The following ATE1 variants were observed in gnomAD, a reference collection of about 807,000 sequenced individuals.
The protein encoded by ATE1 is arginyltransferase 1.
ATE1 carries 36 observed loss-of-function variants against 70.5 expected under a neutral mutation model. The observed-to-expected ratio is 0.51, with a 90% confidence interval of 0.39 to 0.67. The LOEUF (loss-of-function observed/expected upper bound fraction) is 0.67, where lower values mean the gene tolerates loss of function less well. Among genes scored for constraint, ATE1 ranks in the 30% least tolerant of loss-of-function variants. The pLI is 0.00. For missense variants in ATE1, 593 were observed against 629.5 expected, an observed-to-expected ratio of 0.94 and a Z score of 0.62; for synonymous variants, 232 against 219.3, an observed-to-expected ratio of 1.06 and a Z score of -0.51.
chr10:121,910,979 T>C lies in ATE1; in HGVS notation c.510A>G (p.Gln170=). The C allele has an allele frequency of 6.2e-7, 1 of 1,614,120 alleles. No homozygotes were observed. The highest frequency in any genetic ancestry group is 8.5e-7 in the Non-Finnish European group (1 of 1,180,024). ...KEEPQELLQS[Q]DFVGEKLGSG... The stretch of plus-strand genomic sequence containing the variant: ...AGCCCAACTTCTCTCCTACGAAATC[T>C]TGTGACTGAAGTAATTCCTGAGGTT... The change falls in exon 5 of 12, where the codon CAA becomes CAG. Residue 170 remains glutamine, a synonymous_variant. Transcript: ENST00000224652.
At chr10:121,746,358 T>C (rs1242665275) in intron 11 of ATE1, among the ~76,000 whole-genome samples, 3 of 152,206 alleles carry the variant, frequency 2.0e-5, no homozygotes, top group Non-Finnish European at 2.9e-5. Context: ...GCTGCATCAA[T>C]TCCTGGGAGT....
At chr10:121,749,725 A>G (rs1179047669) in intron 11 of ATE1, among the ~76,000 whole-genome samples, 4 of 152,164 alleles carry the variant, frequency 2.6e-5, no homozygotes, top group African/African-American at 9.6e-5. Flanking sequence ...TCAGCCCCCC[A>G]TGCAGAACCC....
Position 121,921,645 on chromosome 10 carries a change from T to C in ATE1, c.233+704A>G, listed in dbSNP as rs926728985. On this transcript the variant is annotated intron_variant, in intron 3 of 11. Transcript: ENST00000224652. ...TGCCTGGGCACCATAGTGAAGATTA[T>C]GGGATAAGCCCAGGCAAACCTAGAT... 2.6e-5 allele frequency among the ~76,000 whole-genome samples: 4 copies of C among 152,116 alleles called. No homozygotes were observed. The South Asian group carries it at 8.3e-4, about 32-fold the overall frequency.
chr10:121,806,566 G>A (rs150829973), intron 10 of ATE1, among the ~76,000 whole-genome samples: 1 of 152,142 alleles, frequency 6.6e-6, no homozygotes, highest in Non-Finnish European at 1.5e-5. Context: ...ATTTCAACAT[G>A]AACTATCTAT....
intron 11 of ATE1, among the ~76,000 whole-genome samples, chr10:121,777,326 A>C (rs1945789191): frequency 1.3e-5 from 2 of 152,246 alleles, no homozygotes; most frequent in Non-Finnish European, 2.9e-5. Context: ...GGAAGCTGTA[A>C]ATGAATAATC....
chr10:121,749,239 T>C (rs1048306850), intron 11 of ATE1, among the ~76,000 whole-genome samples: 1 of 152,206 alleles, frequency 6.6e-6, no homozygotes, highest in Non-Finnish European at 1.5e-5. Context: ...GGTAAGATTT[T>C]ATCTAATTCT....
chr10:121,757,968 G>A (rs562976013), intron 11 of ATE1, among the ~76,000 whole-genome samples: 13 of 152,266 alleles, frequency 8.5e-5, no homozygotes, highest in African/African-American at 2.6e-4. Context: ...GCCTACTGAA[G>A]TATTTTCATA....
intron 10 of ATE1, among the ~76,000 whole-genome samples, chr10:121,807,485 C>T (rs1167872227): frequency 2.6e-5 from 4 of 152,034 alleles, no homozygotes; most frequent in African/African-American, 9.7e-5. Flanking sequence ...CTAGAGACAC[C>T]AGGGCAACTT....
At chr10:121,887,269 C>T (rs1368056096) in intron 7 of ATE1, among the ~76,000 whole-genome samples, 4 of 152,164 alleles carry the variant, frequency 2.6e-5, no homozygotes, top group African/African-American at 9.7e-5. Flanking sequence ...GGACTCATCA[C>T]GACCTTTCCT....
chr10:121,826,945 C>T (rs1212758035), intron 10 of ATE1, among the ~76,000 whole-genome samples: 1 of 152,096 alleles, frequency 6.6e-6, no homozygotes, highest in Non-Finnish European at 1.5e-5. Context: ...TACATAATTT[C>T]ATTCTTTTTG....
chr10:121,869,596 T>G (rs973673673), intron 8 of ATE1, among the ~76,000 whole-genome samples: 14 of 152,246 alleles, frequency 9.2e-5, no homozygotes, highest in African/African-American at 3.4e-4. Flanking sequence ...TCTCTCTAAC[T>G]GAAACTTCCT....
chr10:121,926,516 G>A (rs1952096661), intron 1 of ATE1, among the ~76,000 whole-genome samples: 1 of 152,196 alleles, frequency 6.6e-6, no homozygotes, highest in African/African-American at 2.4e-5. Context: ...TGGAAAGGTT[G>A]CAGGCAGGTT....
rs533744739 is a variant in ATE1, at chr10:121,851,540, C to T, written c.976-10277G>A. Among the ~76,000 whole-genome samples the T allele has an allele frequency of 2.0e-5, 3 of 152,358 alleles. No individual in the cohort carries two copies. In the East Asian group the frequency reaches 5.8e-4, roughly 29 times the overall value. On this transcript the variant is annotated intron_variant, in intron 8 of 11. Coordinates refer to ENST00000224652, the MANE Select transcript of ATE1 (RefSeq NM_001001976.3). Reference sequence around the variant, plus strand: ...AAACAACAATATACAAATAAAAGCACTTTGCAGACTATAAAAAGTCTAGGT... The same window carrying T: ...AAACAACAATATACAAATAAAAGCATTTTGCAGACTATAAAAAGTCTAGGT...
rs547747378 is a variant in ATE1 at position 121,899,802 on chromosome 10, T to G, written c.942+64A>C. 5 of 1,553,260 alleles carry G rather than the reference T, an allele frequency of 3.2e-6. No homozygotes were observed. The East Asian group carries it at 9.1e-5, about 28-fold the overall frequency. On this transcript the variant is annotated intron_variant, in intron 7 of 11. Coordinates refer to ENST00000224652, the MANE Select transcript of ATE1 (RefSeq NM_001001976.3). ...TAGCACAAATAAACCAAGATTTCATTAAATGATATTAAGTGGAAGGGAAAG... is the reference window on the plus strand; with the variant it reads ...TAGCACAAATAAACCAAGATTTCATGAAATGATATTAAGTGGAAGGGAAAG...
At chr10:121,896,384 GGA>G (rs1950779784) in intron 7 of ATE1, among the ~76,000 whole-genome samples, 1 of 152,178 alleles carries the variant, frequency 6.6e-6, no homozygotes, top group Admixed American at 6.5e-5. Context: ...AAAAAAGTAT[GGA>G]GAGATAGATT....
intron 3 of ATE1, among the ~76,000 whole-genome samples, chr10:121,914,301 G>A (rs544016857): frequency 4.3e-4 from 66 of 151,946 alleles, no homozygotes; most frequent in African/African-American, 1.5e-3. Context: ...TCCTGAACTC[G>A]TGATCCACCT....
chr10:121,806,521 GA>G (rs1308814265), intron 10 of ATE1, among the ~76,000 whole-genome samples: 1 of 152,102 alleles, frequency 6.6e-6, no homozygotes, highest in African/African-American at 2.4e-5. Context: ...TTGAGGGGGG[GA>G]AAGAATAAAA....
chr10:121,858,770 C>T (rs1023377286), intron 8 of ATE1, among the ~76,000 whole-genome samples: 29 of 150,110 alleles, frequency 1.9e-4, no homozygotes, highest in African/African-American at 5.4e-4. Flanking sequence ...CTCATCTTTG[C>T]CACTTTAAAA....
At chr10:121,804,601 G>A (rs1276836838) in intron 10 of ATE1, among the ~76,000 whole-genome samples, 1 of 152,200 alleles carries the variant, frequency 6.6e-6, no homozygotes, top group Non-Finnish European at 1.5e-5. Flanking sequence ...AATGTTTGGA[G>A]CATTGAGTAT....
Sources: allele counts gnomAD v4.1 joint callset (sites outside exome capture counted in the v4.1 genomes callset), GRCh38; gene constraint gnomAD v4.1.1; transcripts MANE v1.5; gene names NCBI Gene and HGNC (gene_info 2026-07-23, HGNC 2026-07-21).